PTPRN2: variants seen among roughly 807,000 people sequenced by gnomAD.
The protein encoded by PTPRN2 is receptor-type tyrosine-protein phosphatase N2.
PTPRN2 carries 74 observed loss-of-function variants against 118.8 expected under a neutral mutation model. The ratio of observed to expected loss-of-function variants is 0.62; its 90% CI spans 0.52 to 0.76. The LOEUF is 0.76. PTPRN2 is among the 30% of genes least tolerant of loss of function. The pLI is 0.00. For synonymous variants in PTPRN2, 641 were observed against 608.0 expected (o/e 1.05, Z -0.80); for missense variants, 1,481 against 1,394.4 (o/e 1.06, Z -0.99).
intron 21 of PTPRN2, among the ~76,000 whole-genome samples, chr7:157,561,776 A>G (rs1585034079): frequency 1.3e-5 from 2 of 152,060 alleles, no homozygotes. Flanking sequence ...GCTCTCCACC[A>G]CCCTGCAGCC....
At chr7:158,087,705 AGG>A (rs1813565851) in intron 10 of PTPRN2, among the ~76,000 whole-genome samples, 13 of 137,362 alleles carry the variant, frequency 9.5e-5, no homozygotes, top group Admixed American at 1.4e-4. Flanking sequence ...CCCCTGATGA[AGG>A]AGGGAGTCTT....
chr7:158,441,931 C>G (rs111162950), intron 2 of PTPRN2, among the ~76,000 whole-genome samples: 43 of 24,606 alleles, frequency 1.7e-3, no homozygotes, highest in African/African-American at 3.4e-3. Context: ...TAGTGATGGT[C>G]ATGGCAGTGG....
chr7:158,508,849 C>T (rs111528602), intron 1 of PTPRN2, among the ~76,000 whole-genome samples: 1 of 72,388 alleles, frequency 1.4e-5, no homozygotes, highest in Admixed American at 1.6e-4. Flanking sequence ...GTGGGACGCT[C>T]GGAGCAGGTG....
chr7:157,797,919 C>T (rs1005040815), intron 12 of PTPRN2, among the ~76,000 whole-genome samples: 1 of 152,240 alleles, frequency 6.6e-6, no homozygotes, highest in African/African-American at 2.4e-5. Flanking sequence ...GGACTATGCT[C>T]ATCTTTCCTT....
intron 2 of PTPRN2, among the ~76,000 whole-genome samples, chr7:158,374,674 G>T (rs1190949899): frequency 5.9e-5 from 9 of 152,202 alleles, no homozygotes; most frequent in Admixed American, 5.9e-4. Context: ...ACAGCAAGTG[G>T]ACAGATGGAG....
chr7:158,475,989 G>A lies in PTPRN2; in HGVS notation c.163+13746C>T, dbSNP rs182184962. Among the ~76,000 whole-genome samples, 986 of 152,246 alleles carry A rather than the reference G, an allele frequency of 6.5e-3. 9 individuals are homozygous for A. Among genetic ancestry groups the A allele is most frequent in the Non-Finnish European group, 0.011 (770 of 68,012 alleles). The stretch of plus-strand genomic sequence containing the variant: ...GAAACCTGCATATCATACTTACTAC[G>A]ATTTGTGTTCCTCCCGCCATTTGTT... On this transcript the variant is annotated intron_variant, in intron 2 of 22. Coordinates refer to ENST00000389418, the MANE Select transcript of PTPRN2 (RefSeq NM_002847.5).
intron 11 of PTPRN2, among the ~76,000 whole-genome samples, chr7:157,963,934 C>T (rs1014919256): frequency 2.6e-5 from 4 of 152,228 alleles, no homozygotes; most frequent in African/African-American, 9.6e-5. Context: ...AAACTCCTGG[C>T]CTTGGCCTCC....
Position 157,717,606 on chromosome 7 carries a change from TCTC to T in PTPRN2, c.1789-34672_1789-34670del, listed in dbSNP as rs147393988. 7.1e-3 allele frequency among the ~76,000 whole-genome samples: 1,087 copies of T among 152,326 alleles called. 34 individuals carry two copies. Among genetic ancestry groups the T allele is most frequent in the Admixed American group, 0.044 (677 of 15,300 alleles). On this transcript the variant is annotated intron_variant, in intron 12 of 22. Coordinates refer to ENST00000389418, the MANE Select transcript of PTPRN2 (RefSeq NM_002847.5). ...CCTTCATGGAAATCGCTCCCTTGCG[TCTC>T]CTCATGTGGACACAGCTCCACGCCT...
At chr7:158,331,552 A>G (rs1255744886) in intron 2 of PTPRN2, among the ~76,000 whole-genome samples, 6 of 133,098 alleles carry the variant, frequency 4.5e-5, no homozygotes, top group Non-Finnish European at 3.2e-5. Flanking sequence ...AAGAGCTGAC[A>G]CCCGCAGACG....
intron 12 of PTPRN2, among the ~76,000 whole-genome samples, chr7:157,691,036 C>G (rs1450390769): frequency 7.0e-6 from 1 of 143,426 alleles, no homozygotes; most frequent in Admixed American, 7.0e-5. Flanking sequence ...CGGCGCGGCT[C>G]GCGGCCCAGC....
chr7:158,329,186 G>A (rs7800718), intron 2 of PTPRN2, among the ~76,000 whole-genome samples: 83,162 of 152,182 alleles, frequency 0.55, 22,939 homozygotes, highest in South Asian at 0.58. Context: ...AGCAGACACC[G>A]GCCAGGCGGG....
At chr7:157,825,623 C>T (rs754852124) in intron 12 of PTPRN2, among the ~76,000 whole-genome samples, 2 of 152,208 alleles carry the variant, frequency 1.3e-5, no homozygotes, top group African/African-American at 2.4e-5. Context: ...GTTAAGAGGA[C>T]GAGTGAGCTC....
At chr7:158,178,564 T>C (rs1824414834) in intron 5 of PTPRN2, among the ~76,000 whole-genome samples, 1 of 150,700 alleles carries the variant, frequency 6.6e-6, no homozygotes, top group Non-Finnish European at 1.5e-5. Context: ...TATTCCATGG[T>C]GTATATATAT....
chr7:157,849,225 G>T (rs77929091), intron 12 of PTPRN2, among the ~76,000 whole-genome samples: 2 of 152,190 alleles, frequency 1.3e-5, no homozygotes, highest in Non-Finnish European at 2.9e-5. Context: ...TGTTCCCACC[G>T]AAGAGGCAGA....
At chr7:158,235,469 T>C (rs1324015821) in intron 3 of PTPRN2, among the ~76,000 whole-genome samples, 1 of 152,226 alleles carries the variant, frequency 6.6e-6, no homozygotes, top group Non-Finnish European at 1.5e-5. Flanking sequence ...GAAGTCATTA[T>C]GTGAAGTGAA....
At chr7:157,994,674 C>T (rs1264033261) in intron 11 of PTPRN2, among the ~76,000 whole-genome samples, 1 of 132,792 alleles carries the variant, frequency 7.5e-6, no homozygotes, top group Non-Finnish European at 1.6e-5. Flanking sequence ...TTCCTAAAAT[C>T]AACGCCGCGT....
At chr7:157,613,131 T>TCCCG (rs1019537942) in intron 15 of PTPRN2, among the ~76,000 whole-genome samples, 29 of 151,882 alleles carry the variant, frequency 1.9e-4, no homozygotes, top group Non-Finnish European at 3.5e-4. Flanking sequence ...CCGTCTCCAG[T>TCCCG]CCCGCCTCCC....
intron 3 of PTPRN2, among the ~76,000 whole-genome samples, chr7:158,300,696 A>C (rs993844444): frequency 5.9e-5 from 9 of 152,226 alleles, no homozygotes; most frequent in Non-Finnish European, 1.2e-4. Context: ...TAAGAAACAC[A>C]AACGACCAAG....
intron 11 of PTPRN2, among the ~76,000 whole-genome samples, chr7:157,908,958 TTC>T (rs553652289): frequency 2.9e-4 from 44 of 152,318 alleles, no homozygotes; most frequent in African/African-American, 8.7e-4. Context: ...GTTGAATCAT[TTC>T]TGTCTAAAAC....
Sources: allele counts gnomAD v4.1 joint callset (sites outside exome capture counted in the v4.1 genomes callset), GRCh38; gene constraint gnomAD v4.1.1; transcripts MANE v1.5; gene names NCBI Gene and HGNC (gene_info 2026-07-23, HGNC 2026-07-21).